The following ALPK2 variants were observed in gnomAD, a reference collection of about 807,000 sequenced individuals.
ALPK2 encodes alpha kinase 2.
A neutral mutation model predicts 163.1 loss-of-function variants in ALPK2; 127 were observed. The ratio of observed to expected loss-of-function variants is 0.78; its 90% CI spans 0.67 to 0.90. The LOEUF is 0.90. Among genes scored for constraint, ALPK2 ranks in the 40% least tolerant of loss-of-function variants. The pLI, the probability that ALPK2 is intolerant of heterozygous loss-of-function variation, is 0.00. For missense variants in ALPK2, 2,360 were observed against 2,589.6 expected, an observed-to-expected ratio of 0.91 and a Z score of 1.92; for synonymous variants, 953 against 959.1, an observed-to-expected ratio of 0.99 and a Z score of 0.12.
At chr18:58,514,248 A>G (rs1216701278) in intron 10 of ALPK2, among the ~76,000 whole-genome samples, 1 of 152,220 alleles carries the variant, frequency 6.6e-6, no homozygotes, top group Admixed American at 6.5e-5. Flanking sequence ...TATTTTTCCC[A>G]TTTTGTGAGT....
At chr18:58,523,372 C>T (rs1188622397) in intron 8 of ALPK2, among the ~76,000 whole-genome samples, 1 of 152,108 alleles carries the variant, frequency 6.6e-6, no homozygotes, top group Non-Finnish European at 1.5e-5. Context: ...CCTCAATAAA[C>T]ATACGTGTGC....
At chr18:58,525,828 A>G (rs1006035570) in intron 6 of ALPK2, among the ~76,000 whole-genome samples, 2 of 152,184 alleles carry the variant, frequency 1.3e-5, no homozygotes, top group African/African-American at 4.8e-5. Flanking sequence ...CGTGGTGAGC[A>G]GTAGTATTAG....
chr18:58,487,082 G>C (rs1048908292), intron 12 of ALPK2, among the ~76,000 whole-genome samples: 1 of 152,172 alleles, frequency 6.6e-6, no homozygotes, highest in African/African-American at 2.4e-5. Flanking sequence ...ATAGGGGGTT[G>C]AGTAGCATCC....
At chr18:58,581,572 C>T (rs1183341961) in intron 3 of ALPK2, among the ~76,000 whole-genome samples, 1 of 152,220 alleles carries the variant, frequency 6.6e-6, no homozygotes, top group Non-Finnish European at 1.5e-5. Context: ...CATTGTTCAG[C>T]ATCACAAGGA....
At chr18:58,503,402 G>A (rs2051443049) in intron 11 of ALPK2, among the ~76,000 whole-genome samples, 4 of 152,180 alleles carry the variant, frequency 2.6e-5, no homozygotes, top group South Asian at 2.1e-4. Context: ...TTATTGAAAC[G>A]AAATGACCTC....
intron 4 of ALPK2, among the ~76,000 whole-genome samples, chr18:58,556,523 C>A (rs1473737140): frequency 6.6e-6 from 1 of 151,666 alleles, no homozygotes; most frequent in Non-Finnish European, 1.5e-5. Context: ...CCGTGCATTT[C>A]TACCTTCAAT....
intron 9 of ALPK2, 58 bp downstream of exon 9, chr18:58,516,849 CG>C: frequency 6.4e-7 from 1 of 1,559,440 alleles, no homozygotes; most frequent in Admixed American, 1.7e-5. Flanking sequence ...ATTTTCATCT[CG>C]TCTTATCATG....
chr18:58,624,601 T>C (rs1196641578), intron 1 of ALPK2, among the ~76,000 whole-genome samples: 1 of 152,162 alleles, frequency 6.6e-6, no homozygotes, highest in Non-Finnish European at 1.5e-5. Flanking sequence ...ATTACAGGCG[T>C]GTGCCAGCAT....
intron 4 of ALPK2, among the ~76,000 whole-genome samples, chr18:58,557,737 C>T (rs991199641): frequency 6.7e-6 from 1 of 149,276 alleles, no homozygotes; most frequent in Non-Finnish European, 1.5e-5. Flanking sequence ...TATAGTTTGT[C>T]ATTGGATCAG....
intron 5 of ALPK2, among the ~76,000 whole-genome samples, chr18:58,530,603 C>T (rs2051608726): frequency 6.6e-6 from 1 of 152,180 alleles, no homozygotes; most frequent in South Asian, 2.1e-4. Context: ...CTGCCAGAAC[C>T]TGTTGTACCG....
chr18:58,512,756 G>A (rs572902967), intron 10 of ALPK2, among the ~76,000 whole-genome samples: 2 of 148,486 alleles, frequency 1.3e-5, no homozygotes, highest in South Asian at 2.2e-4. Flanking sequence ...TGTGTGTTGT[G>A]TGTATGTGTA....
chr18:58,598,024 C>A (rs1348873875), intron 3 of ALPK2, among the ~76,000 whole-genome samples: 1 of 152,244 alleles, frequency 6.6e-6, no homozygotes, highest in Non-Finnish European at 1.5e-5. Flanking sequence ...GCCTCCAGGA[C>A]GGTGAGAAAG....
intron 4 of ALPK2, chr18:58,545,202 C>T (rs1032723358): frequency 1.4e-5 from 2 of 141,248 alleles, no homozygotes; most frequent in African/African-American, 5.4e-5. Flanking sequence ...TTTCACTAGC[C>T]CCAGACTTCT....
At chr18:58,547,025 AGTCTCAGAAAACTGGGGTT>A in intron 4 of ALPK2, among the ~76,000 whole-genome samples, 1 of 29,786 alleles carries the variant, frequency 3.4e-5, no homozygotes, top group Non-Finnish European at 1.1e-4. Flanking sequence ...AAATGATTTG[AGTCTCAGAAAACTGGGGTT>A]TGGTCTTGGA....
At position 58,579,296 on chromosome 18, in the gene ALPK2, T is replaced by C. The variant is rs1182538450; in HGVS notation, c.1480A>G (p.Thr494Ala). ...TCACCAGACAAGAGCTTCATCTCTG[T>C]CTCTCTTACTGATTCATCCATGTTG... is the stretch of plus-strand genomic sequence containing the variant. ...LLNMDESVRE[T>A]EMKLLSGESE... The change falls in exon 4 of 13, where the codon ACA becomes GCA. Residue 494 changes from threonine (T) to alanine (A), a missense_variant. Coordinates refer to ENST00000361673, the MANE Select transcript of ALPK2 (RefSeq NM_052947.4). 4 of 1,614,156 alleles carry C rather than the reference T, an allele frequency of 2.5e-6. No homozygotes were observed. The South Asian group carries it at 3.3e-5, about 13-fold the overall frequency.
chr18:58,482,075 A>C, intron 12 of ALPK2, 36 bp from the exon 13 acceptor site: 1 of 1,497,478 alleles, frequency 6.7e-7, no homozygotes, highest in Non-Finnish European at 9.3e-7. Context: ...TAGCTTTTAA[A>C]AACAGGACAC....
At chr18:58,557,020 A>T (rs2051796506) in intron 4 of ALPK2, 1 of 152,322 alleles carries the variant, frequency 6.6e-6, no homozygotes. Flanking sequence ...CTGTAGCTCC[A>T]CGGTAACCTG....
At chr18:58,604,896 T>A (rs563449620) in intron 3 of ALPK2, among the ~76,000 whole-genome samples, 1 of 152,228 alleles carries the variant, frequency 6.6e-6, no homozygotes, top group Non-Finnish European at 1.5e-5. Context: ...CTTGCCCACC[T>A]GTCTCTGGGG....
chr18:58,622,330 CAGCAAG>C (rs1247935479), intron 1 of ALPK2, among the ~76,000 whole-genome samples: 1 of 152,170 alleles, frequency 6.6e-6, no homozygotes, highest in East Asian at 1.9e-4. Flanking sequence ...CTGGCCAACA[CAGCAAG>C]ACTCTGTCTC....
Sources: allele counts gnomAD v4.1 joint callset (sites outside exome capture counted in the v4.1 genomes callset), GRCh38; gene constraint gnomAD v4.1.1; transcripts MANE v1.5; gene names NCBI Gene and HGNC (gene_info 2026-07-23, HGNC 2026-07-21).